Variants in DNAH9 observed in about 807,000 individuals in gnomAD.
DNAH9 encodes dynein axonemal heavy chain 9, also known as DNAH9 variant protein.
Under a neutral mutation model 471.6 loss-of-function variants are expected in DNAH9, and 345 were observed. The ratio of observed to expected loss-of-function variants is 0.73; its 90% CI spans 0.67 to 0.80. The LOEUF is 0.80. Ranked by LOEUF, DNAH9 falls within the 30% of genes least tolerant of loss-of-function variation. DNAH9 has a pLI of 0.00. For missense variants in DNAH9, 5,407 were observed against 5,609.2 expected (o/e 0.96, Z 1.15); for synonymous variants, 2,093 against 2,123.6 (o/e 0.99, Z 0.40).
chr17:11,635,210 A>G (rs1009410409), intron 8 of DNAH9, among the ~76,000 whole-genome samples: 2 of 151,850 alleles, frequency 1.3e-5, no homozygotes, highest in Non-Finnish European at 2.9e-5. Context: ...TCTGTTGCCT[A>G]GGCTGGAGTG....
At chr17:11,803,769 G>T (rs1295587860) in intron 43 of DNAH9, among the ~76,000 whole-genome samples, 1 of 152,144 alleles carries the variant, frequency 6.6e-6, no homozygotes, top group South Asian at 2.1e-4. Context: ...GAATAGGGCT[G>T]GGGGGTTGGG....
intron 38 of DNAH9, among the ~76,000 whole-genome samples, chr17:11,774,389 C>T (rs1194430601): frequency 1.3e-5 from 2 of 152,078 alleles, no homozygotes; most frequent in Admixed American, 6.6e-5. Flanking sequence ...AAGACATTCC[C>T]GAGACTGGGT....
chr17:11,788,800 T>C (rs1240528808), intron 41 of DNAH9, among the ~76,000 whole-genome samples: 1 of 152,172 alleles, frequency 6.6e-6, no homozygotes, highest in Non-Finnish European at 1.5e-5. Context: ...GAGAGTAGCA[T>C]TTTGACACAG....
Position 11,797,622 on chromosome 17 carries a change from C to T in DNAH9, c.8249C>T (p.Thr2750Ile), listed in dbSNP as rs920172281. 2 of 1,613,582 alleles carry T rather than the reference C, an allele frequency of 1.2e-6. No individual in the cohort carries two copies. Among genetic ancestry groups the T allele is most frequent in the African/African-American group, 2.7e-5 (2 of 74,890 alleles). ...FDDIEDPVEQ[T>I]QSPNLYCHFA... Reference sequence around the variant, plus strand: ...GATATTGAAGACCCTGTGGAGCAGACCCAAAGCCCGAACCTGTATTGTCAC... The same window carrying T: ...GATATTGAAGACCCTGTGGAGCAGATCCAAAGCCCGAACCTGTATTGTCAC... Residue 2750 changes from threonine (T) to isoleucine (I), a missense_variant, in exon 43 of 69, where the codon ACC (threonine) becomes ATC (isoleucine). By Grantham distance (89) the Thr-to-Ile change is moderately conservative. This residue lies in a region of DNAH9 where 4,636 missense variants were observed against 4,900.3 expected (regional missense o/e 0.95). Transcript: ENST00000262442.
chr17:11,655,850 T>C (rs1175077679), intron 14 of DNAH9, among the ~76,000 whole-genome samples: 1 of 151,762 alleles, frequency 6.6e-6, no homozygotes, highest in African/African-American at 2.4e-5. Context: ...CAATGGACTT[T>C]GGGGACTCAG....
At chr17:11,906,088 A>C (rs998505663) in intron 61 of DNAH9, among the ~76,000 whole-genome samples, 1 of 152,150 alleles carries the variant, frequency 6.6e-6, no homozygotes, top group African/African-American at 2.4e-5. Context: ...TTGCCAGAGC[A>C]ATCTTTCTGA....
intron 35 of DNAH9, among the ~76,000 whole-genome samples, chr17:11,759,086 C>CT (rs892016073): frequency 4.6e-4 from 11 of 23,920 alleles, no homozygotes; most frequent in African/African-American, 6.9e-4. Flanking sequence ...TATCCCTGTT[C>CT]TTTTTTTTTT....
intron 31 of DNAH9, 141 bp from the exon 32 acceptor site, chr17:11,747,415 C>T: frequency 1.5e-6 from 1 of 649,374 alleles, no homozygotes; most frequent in South Asian, 1.8e-5. Flanking sequence ...TATTTCAGAC[C>T]TCCTGACATC....
rs188989655 is a variant in DNAH9 at position 11,897,051 on chromosome 17, C to T, written c.11406+2555C>T. Reference sequence around the variant, plus strand: ...GTTGAAGACAGCTGAGATCACTTTGCGCTCCAGCCTGGATGGCAAGAGTAA... The same window carrying T: ...GTTGAAGACAGCTGAGATCACTTTGTGCTCCAGCCTGGATGGCAAGAGTAA... On this transcript the variant is annotated intron_variant, in intron 59 of 68. Coordinates refer to ENST00000262442, the MANE Select transcript of DNAH9 (RefSeq NM_001372.4). Among the ~76,000 whole-genome samples, 84 of 152,272 alleles carry T rather than the reference C, an allele frequency of 5.5e-4. 1 individual carries two copies. Among genetic ancestry groups the T allele is most frequent in the Non-Finnish European group, 9.7e-4 (66 of 68,028 alleles).
chr17:11,925,197 C>G (rs1422652862), intron 62 of DNAH9: 2 of 455,862 alleles, frequency 4.4e-6, no homozygotes, highest in Non-Finnish European at 8.8e-6. Flanking sequence ...TATCACCCAG[C>G]CCACTGCCTT....
chr17:11,621,628 G>A (rs371743137), intron 6 of DNAH9, among the ~76,000 whole-genome samples: 16 of 152,246 alleles, frequency 1.1e-4, no homozygotes, highest in East Asian at 3.9e-4. Flanking sequence ...TGCCAGGCAC[G>A]GAGCTAGGAA....
At chr17:11,915,856 TTAATCATTCTG>T (rs1973936483) in intron 61 of DNAH9, among the ~76,000 whole-genome samples, 1 of 152,242 alleles carries the variant, frequency 6.6e-6, no homozygotes, top group African/African-American at 2.4e-5. Context: ...CAATTTTAAT[TTAATCATTCTG>T]TTATAATTTT....
At chr17:11,813,082 A>G (rs1969981190) in intron 45 of DNAH9, among the ~76,000 whole-genome samples, 1 of 152,188 alleles carries the variant, frequency 6.6e-6, no homozygotes, top group African/African-American at 2.4e-5. Context: ...TTGAAATTTT[A>G]TTCCTCAATT....
At chr17:11,650,491 G>C (rs1294163884) in intron 12 of DNAH9, among the ~76,000 whole-genome samples, 1 of 152,178 alleles carries the variant, frequency 6.6e-6, no homozygotes, top group Non-Finnish European at 1.5e-5. Flanking sequence ...TGAACCCCTA[G>C]CATGTTAAGA....
chr17:11,816,370 C>G (rs1310183971), intron 45 of DNAH9, among the ~76,000 whole-genome samples: 3 of 152,176 alleles, frequency 2.0e-5, no homozygotes, highest in Non-Finnish European at 4.4e-5. Flanking sequence ...GCTCTTAATA[C>G]ATCTCCCAGC....
chr17:11,752,919 A>C lies in DNAH9; in HGVS notation c.6697A>C (p.Met2233Leu). 6.2e-7 allele frequency: 1 copy of C among 1,607,208 alleles called. No individual in the cohort carries two copies. Among genetic ancestry groups the C allele is most frequent in the South Asian group, 1.1e-5 (1 of 90,294 alleles). ...WILLDGDIDPMWIESLNTVMD... is the reference protein window; with the variant it reads ...WILLDGDIDPLWIESLNTVMD... ...TTTACTGGATGGCGACATAGATCCAATGTGGATTGAATCCCTGAATACTGT... is the reference window on the plus strand; with the variant it reads ...TTTACTGGATGGCGACATAGATCCACTGTGGATTGAATCCCTGAATACTGT... The change falls in exon 33 of 69, where the codon ATG becomes CTG. Residue 2233 changes from methionine (M) to leucine (L), a missense_variant. By Grantham distance (15) the Met-to-Leu change is conservative. Around this residue, in one of 3 missense-constraint regions of DNAH9, gnomAD observed 4,636 missense variants for 4,900.3 expected, o/e 0.95. Coordinates refer to ENST00000262442, the MANE Select transcript of DNAH9 (RefSeq NM_001372.4).
At chr17:11,872,794 C>T (rs978900161) in intron 52 of DNAH9, among the ~76,000 whole-genome samples, 4 of 152,228 alleles carry the variant, frequency 2.6e-5, no homozygotes, top group Admixed American at 6.5e-5. Context: ...GTGGCGGGCG[C>T]CTGTAATCCC....
At chr17:11,790,399 T>C (rs986479481) in intron 41 of DNAH9, among the ~76,000 whole-genome samples, 1 of 152,044 alleles carries the variant, frequency 6.6e-6, no homozygotes, top group Admixed American at 6.5e-5. Context: ...CCTAGCAGAC[T>C]GATCTTTTTC....
At chr17:11,732,666 G>A (rs139321488) in intron 28 of DNAH9, among the ~76,000 whole-genome samples, 1 of 152,078 alleles carries the variant, frequency 6.6e-6, no homozygotes, top group East Asian at 1.9e-4. Context: ...TTACTCTGCT[G>A]TTTAAAAAAT....
Sources: gnomAD v4.1 joint callset for allele counts (sites outside exome capture counted in the v4.1 genomes callset) on GRCh38, gnomAD v4.1.1 for gene constraint, gnomAD v4.1.1 regional missense constraint, MANE v1.5 for transcripts, NCBI Gene and HGNC (gene_info 2026-07-23, HGNC 2026-07-21) for gene names.